Variants in CD8B2 observed in about 807,000 individuals in gnomAD.
CD8B2 encodes CD8B family member 2, also known as T-cell surface glycoprotein CD8 beta-2 chain.
CD8B2 carries 11 observed loss-of-function variants against 23.7 expected under a neutral mutation model. The ratio of observed to expected loss-of-function variants is 0.46; its 90% CI spans 0.29 to 0.77. The LOEUF (loss-of-function observed/expected upper bound fraction) is 0.77, where lower values mean the gene tolerates loss of function less well. CD8B2 is among the 30% of genes least tolerant of loss of function. CD8B2 has a pLI of 0.09. For synonymous variants in CD8B2, 90 were observed against 109.3 expected (o/e 0.82, Z 1.10); for missense variants, 197 against 270.5 (o/e 0.73, Z 1.91).
chr2:106,502,189 G>A (rs1193379557), intron 3 of CD8B2, among the ~76,000 whole-genome samples: 6 of 149,846 alleles, frequency 4.0e-5, no homozygotes, highest in African/African-American at 1.5e-4. Context: ...CCAGCTACTC[G>A]GGAGGCTAAG....
At chr2:106,521,264 C>T (rs1679822214) in intron 5 of CD8B2, among the ~76,000 whole-genome samples, 1 of 152,108 alleles carries the variant, frequency 6.6e-6, no homozygotes, top group African/African-American at 2.4e-5. Context: ...TTGGCCGGCA[C>T]CATGTTTTCT....
intron 5 of CD8B2, among the ~76,000 whole-genome samples, chr2:106,531,673 CT>C (rs1371038006): frequency 6.6e-6 from 1 of 152,196 alleles, no homozygotes; most frequent in Non-Finnish European, 1.5e-5. Flanking sequence ...CTGATGGTCA[CT>C]GCTGCACCCT....
chr2:106,537,388 C>T (rs922247882), intron 5 of CD8B2, among the ~76,000 whole-genome samples: 1 of 152,024 alleles, frequency 6.6e-6, no homozygotes, highest in Non-Finnish European at 1.5e-5. Flanking sequence ...CCTTGTATGA[C>T]CACAAGCTTG....
chr2:106,521,426 A>G (rs1213282132), intron 5 of CD8B2: 2 of 152,220 alleles, frequency 1.3e-5, no homozygotes, highest in Non-Finnish European at 2.9e-5. Context: ...CTGCAGCTCA[A>G]TTTTACAGGC....
chr2:106,496,267 G>T lies in CD8B2; in HGVS notation c.493+5G>T. The T allele has an allele frequency of 6.5e-7, 1 of 1,526,722 alleles. No homozygotes were observed. The highest frequency in any genetic ancestry group is 2.5e-5 in the East Asian group (1 of 40,604). 94.6% of individuals were successfully genotyped at this position (1,526,722 alleles called of 1,614,324 possible). On this transcript the variant is annotated splice_donor_5th_base_variant and intron_variant, in intron 3 of 5. Coordinates refer to ENST00000643224, the MANE Select transcript of CD8B2 (RefSeq NM_001349727.2). ...CCAGGCCAGAGACCCAGAAGGGTGA[G>T]TTCCCTATCCCTCTGCACCCTCAGA... is the stretch of plus-strand genomic sequence containing the variant.
intron 1 of CD8B2, among the ~76,000 whole-genome samples, chr2:106,489,058 A>G (rs1201220459): frequency 7.0e-6 from 1 of 143,514 alleles, no homozygotes; most frequent in Non-Finnish European, 1.5e-5. Context: ...GCTGGAGTGC[A>G]GTGGCGCAAT....
At chr2:106,524,712 C>A (rs1389619808) in intron 5 of CD8B2, among the ~76,000 whole-genome samples, 1 of 152,166 alleles carries the variant, frequency 6.6e-6, no homozygotes, top group African/African-American at 2.4e-5. Flanking sequence ...ACTTCATCAT[C>A]CCTTGCATCT....
chr2:106,516,363 C>A (rs6755065), intron 5 of CD8B2, among the ~76,000 whole-genome samples: 152,314 of 152,332 alleles, frequency 1, 76,148 homozygotes, highest in Middle Eastern at 1. Flanking sequence ...TCTGGGTTTC[C>A]GAGGACATGA....
chr2:106,517,536 T>A, intron 5 of CD8B2, among the ~76,000 whole-genome samples: 1 of 151,852 alleles, frequency 6.6e-6, no homozygotes, highest in Admixed American at 6.6e-5. Flanking sequence ...AAAATCCAAG[T>A]CTTAATTGCG....
intron 5 of CD8B2, among the ~76,000 whole-genome samples, chr2:106,542,024 C>G (rs926310438): frequency 6.6e-6 from 1 of 152,240 alleles, no homozygotes; most frequent in Non-Finnish European, 1.5e-5. Flanking sequence ...CTCCAGCCAA[C>G]TTTTCCTTCT....
At chr2:106,487,510 C>G in intron 1 of CD8B2, 41 bp downstream of exon 1, 2 of 1,164,036 alleles carry the variant, frequency 1.7e-6, no homozygotes, top group Non-Finnish European at 1.1e-6. Flanking sequence ...TCTGCGCTCC[C>G]GGGGCCTGAG....
rs1172628256 is a variant in CD8B2 at position 106,510,306 on chromosome 2, C to A, written c.*3366C>A. 1.3e-5 allele frequency: 2 copies of A among 152,166 alleles called. No individual in the cohort carries two copies. The highest frequency in any genetic ancestry group is 2.9e-5 in the Non-Finnish European group (2 of 68,026). The allele number at this position is 152,166 out of a possible 1,614,324, so 9.4% of individuals were successfully genotyped here. A position where few individuals can be genotyped will look rare whatever the true frequency, so the allele number is the denominator to read the frequency against. On this transcript the variant is annotated 3_prime_UTR_variant, in exon 6 of 6. Coordinates refer to ENST00000643224, the MANE Select transcript of CD8B2 (RefSeq NM_001349727.2). ...AGTGTGTTTCATTAGTAAAAGTCAT[C>A]AAGCTGTACACTCAGATATGTTGAC...
At chr2:106,517,766 G>A (rs1351313143) in intron 5 of CD8B2, among the ~76,000 whole-genome samples, 1 of 151,704 alleles carries the variant, frequency 6.6e-6, no homozygotes, top group Non-Finnish European at 1.5e-5. Context: ...AGGCTGGAGT[G>A]CAGTGGCGCG....
At chr2:106,529,758 C>T (rs1480009393) in intron 5 of CD8B2, among the ~76,000 whole-genome samples, 1 of 152,182 alleles carries the variant, frequency 6.6e-6, no homozygotes, top group African/African-American at 2.4e-5. Context: ...CCATGCATCA[C>T]AGGTGAACAG....
intron 5 of CD8B2, among the ~76,000 whole-genome samples, chr2:106,519,346 A>G (rs1258661578): frequency 6.6e-6 from 1 of 152,222 alleles, no homozygotes; most frequent in Non-Finnish European, 1.5e-5. Flanking sequence ...CTACTGCTTC[A>G]GTGAAACTGT....
At chr2:106,537,434 C>T (rs764670143) in intron 5 of CD8B2, among the ~76,000 whole-genome samples, 21 of 152,042 alleles carry the variant, frequency 1.4e-4, no homozygotes, top group East Asian at 3.9e-4. Flanking sequence ...TATGGTTCAA[C>T]GCCACCAAGA....
At chr2:106,540,385 T>G (rs574130416) in intron 5 of CD8B2, among the ~76,000 whole-genome samples, 1 of 152,220 alleles carries the variant, frequency 6.6e-6, no homozygotes, top group Non-Finnish European at 1.5e-5. Context: ...CAAAGGCGCA[T>G]TAATGTCAAT....
At chr2:106,536,993 G>A (rs1186298777) in intron 5 of CD8B2, among the ~76,000 whole-genome samples, 2 of 152,202 alleles carry the variant, frequency 1.3e-5, no homozygotes, top group African/African-American at 2.4e-5. Context: ...AGAAGAACAA[G>A]TTGCTGTGTT....
At chr2:106,528,286 A>G (rs1430273560) in intron 5 of CD8B2, among the ~76,000 whole-genome samples, 1 of 152,218 alleles carries the variant, frequency 6.6e-6, no homozygotes, top group Non-Finnish European at 1.5e-5. Flanking sequence ...TTTTAGTATC[A>G]TATTGAAGAA....
Sources: gnomAD v4.1 joint callset for allele counts (sites outside exome capture counted in the v4.1 genomes callset) on GRCh38, gnomAD v4.1.1 for gene constraint, MANE v1.5 for transcripts, NCBI Gene and HGNC (gene_info 2026-07-23, HGNC 2026-07-21) for gene names.